Variants in ASTN1 observed in about 807,000 individuals in gnomAD.
The protein encoded by ASTN1 is astrotactin 1, also known as astrotactin-1.
A neutral mutation model predicts 140.7 loss-of-function variants in ASTN1; 41 were observed. The ratio of observed to expected loss-of-function variants is 0.29; its 90% CI spans 0.23 to 0.38. The LOEUF (loss-of-function observed/expected upper bound fraction) is 0.38. ASTN1 is among the 10% of genes least tolerant of loss of function. The pLI is 1.00. For missense variants in ASTN1, 1,479 were observed against 1,678.8 expected (o/e 0.88, Z 2.08); for synonymous variants, 640 against 652.2 (o/e 0.98, Z 0.29).
chr1:176,965,276 C>A (rs770752713), intron 8 of ASTN1, 39 bp from the exon 9 acceptor site: 3 of 1,601,606 alleles, frequency 1.9e-6, no homozygotes, highest in African/African-American at 2.7e-5. Context: ...TTCAACTCAA[C>A]AAATACTCAC....
intron 14 of ASTN1, among the ~76,000 whole-genome samples, chr1:176,937,350 C>T (rs1306449017): frequency 2.0e-5 from 3 of 152,238 alleles, no homozygotes; most frequent in Non-Finnish European, 4.4e-5. Flanking sequence ...AGTGCCATCT[C>T]TGTGCCAGAC....
intron 14 of ASTN1, among the ~76,000 whole-genome samples, chr1:176,938,141 T>A (rs1042385373): frequency 1.3e-5 from 2 of 152,222 alleles, no homozygotes; most frequent in African/African-American, 2.4e-5. Context: ...AGGGCATTAA[T>A]CTTTGTGACT....
intron 1 of ASTN1, among the ~76,000 whole-genome samples, chr1:177,097,456 A>G (rs1166659290): frequency 1.3e-5 from 2 of 152,238 alleles, no homozygotes; most frequent in Non-Finnish European, 2.9e-5. Context: ...CAATTCATTT[A>G]ATAAAGTTAA....
chr1:176,916,845 A>C (rs1471944189), intron 16 of ASTN1, among the ~76,000 whole-genome samples: 1 of 152,144 alleles, frequency 6.6e-6, no homozygotes, highest in Non-Finnish European at 1.5e-5. Flanking sequence ...AGGGACTTGA[A>C]GGTAAAATCA....
At chr1:176,971,429 A>G (rs1571586927) in intron 8 of ASTN1, among the ~76,000 whole-genome samples, 1 of 152,298 alleles carries the variant, frequency 6.6e-6, no homozygotes, top group African/African-American at 2.4e-5. Context: ...AATGATGAAT[A>G]ATGATGCCTA....
chr1:177,063,960 G>A (rs1055151017), intron 1 of ASTN1, among the ~76,000 whole-genome samples: 12 of 152,036 alleles, frequency 7.9e-5, no homozygotes, highest in Admixed American at 3.9e-4. Flanking sequence ...TAACTATTCC[G>A]AAGGATCTAG....
chr1:177,081,794 C>T (rs1679193935), intron 1 of ASTN1, among the ~76,000 whole-genome samples: 1 of 152,160 alleles, frequency 6.6e-6, no homozygotes, highest in South Asian at 2.1e-4. Flanking sequence ...GACTGAAAGA[C>T]ATGGCTGAAT....
chr1:177,004,451 C>T (rs1674896008), intron 8 of ASTN1, among the ~76,000 whole-genome samples: 1 of 151,984 alleles, frequency 6.6e-6, no homozygotes, highest in African/African-American at 2.4e-5. Flanking sequence ...ACTTTTTTCA[C>T]AGAATTAGAA....
intron 1 of ASTN1, among the ~76,000 whole-genome samples, chr1:177,127,025 A>G (rs775970549): frequency 5.3e-5 from 8 of 152,212 alleles, no homozygotes; most frequent in African/African-American, 1.9e-4. Flanking sequence ...TGCCAAGTAG[A>G]CAGCATAAAC....
At chr1:177,105,662 C>T (rs74814187) in intron 1 of ASTN1, among the ~76,000 whole-genome samples, 12,520 of 151,756 alleles carry the variant, frequency 0.083, 661 homozygotes, top group African/African-American at 0.15. Context: ...AAAAACCTCA[C>T]ATTTATGCAG....
intron 16 of ASTN1, among the ~76,000 whole-genome samples, chr1:176,925,101 C>T (rs907088201): frequency 6.6e-6 from 1 of 152,150 alleles, no homozygotes; most frequent in African/African-American, 2.4e-5. Flanking sequence ...CAATTCTGCA[C>T]ATAAACTATT....
At chr1:177,046,247 T>C (rs1677216623) in intron 2 of ASTN1, among the ~76,000 whole-genome samples, 1 of 152,200 alleles carries the variant, frequency 6.6e-6, no homozygotes, top group Non-Finnish European at 1.5e-5. Flanking sequence ...GTCAGCAAAG[T>C]ATAACACAAT....
intron 17 of ASTN1, among the ~76,000 whole-genome samples, chr1:176,892,991 T>A (rs1245306115): frequency 6.6e-6 from 1 of 152,200 alleles, no homozygotes; most frequent in Non-Finnish European, 1.5e-5. Flanking sequence ...AACCCATCTC[T>A]TAAAACTGGT....
chr1:177,062,514 G>A (rs1678150772), intron 1 of ASTN1, among the ~76,000 whole-genome samples: 1 of 150,274 alleles, frequency 6.7e-6, no homozygotes, highest in African/African-American at 2.4e-5. Context: ...CAAAATGTTG[G>A]GATTAGAGAC....
chr1:177,013,981 T>C (rs1314929138), intron 8 of ASTN1, among the ~76,000 whole-genome samples: 1 of 151,312 alleles, frequency 6.6e-6, no homozygotes, highest in South Asian at 2.1e-4. Flanking sequence ...AGGAGTTGGA[T>C]GTTACTGTGA....
At chr1:176,898,846 G>C (rs1669638454) in intron 16 of ASTN1, among the ~76,000 whole-genome samples, 1 of 152,172 alleles carries the variant, frequency 6.6e-6, no homozygotes, top group Non-Finnish European at 1.5e-5. Flanking sequence ...AGAGGTTGGA[G>C]ACACTATGCT....
intron 8 of ASTN1, among the ~76,000 whole-genome samples, chr1:176,972,726 AC>A (rs11352334): frequency 0.17 from 26,536 of 152,110 alleles, 2,430 homozygotes; most frequent in African/African-American, 0.21. Flanking sequence ...TATTGATATG[AC>A]TGTACTATTT....
At chr1:176,998,101 T>C (rs930468590) in intron 8 of ASTN1, among the ~76,000 whole-genome samples, 14 of 152,124 alleles carry the variant, frequency 9.2e-5, no homozygotes, top group Non-Finnish European at 2.1e-4. Flanking sequence ...TCTTCATACA[T>C]CATGCTGAAA....
intron 20 of ASTN1, among the ~76,000 whole-genome samples, chr1:176,879,155 C>T (rs1022084349): frequency 3.3e-5 from 5 of 152,166 alleles, no homozygotes; most frequent in Non-Finnish European, 7.3e-5. Context: ...CCTCGCAGTT[C>T]GCTCTCCCTC....
Sources: allele counts gnomAD v4.1 joint callset (sites outside exome capture counted in the v4.1 genomes callset), GRCh38; gene constraint gnomAD v4.1.1; transcripts MANE v1.5; gene names NCBI Gene and HGNC (gene_info 2026-07-23, HGNC 2026-07-21).